PI4K2B: variants seen among roughly 807,000 people sequenced by gnomAD.
PI4K2B encodes the protein phosphatidylinositol 4-kinase type 2-beta.
In PI4K2B, 46 loss-of-function variants were observed where a neutral mutation model predicts 56.6. The ratio of observed to expected loss-of-function variants is 0.81; its 90% CI spans 0.64 to 1.04. The LOEUF (loss-of-function observed/expected upper bound fraction) is 1.04. Among genes scored for constraint, PI4K2B ranks in the 50% least tolerant of loss-of-function variants. PI4K2B has a pLI of 0.00. For synonymous variants in PI4K2B, 211 were observed against 223.8 expected (o/e 0.94, Z 0.51); for missense variants, 556 against 607.7 (o/e 0.91, Z 0.89).
Position 25,256,613 on chromosome 4 carries a change from A to T in PI4K2B, c.695A>T (p.Tyr232Phe), listed in dbSNP as rs1187355970. The change falls in exon 4 of 10, where the codon TAT becomes TTT. Residue 232 changes from tyrosine (Y) to phenylalanine (F), a missense_variant. By Grantham distance (22) the Tyr-to-Phe change is conservative. Coordinates refer to ENST00000264864, the MANE Select transcript of PI4K2B (RefSeq NM_018323.4). ...CGTGCAAAATCAAGAGGCAAAAAGTATGCTTTAGAAAAAGTGCCAAAAGTG... is the reference window on the plus strand; with the variant it reads ...CGTGCAAAATCAAGAGGCAAAAAGTTTGCTTTAGAAAAAGTGCCAAAAGTG... ...IDRAKSRGKK[Y>F]ALEKVPKVGR... 5 of 1,613,866 alleles carry T rather than the reference A, an allele frequency of 3.1e-6. No homozygotes were observed. The highest frequency in any genetic ancestry group is 4.2e-6 in the Non-Finnish European group (5 of 1,179,920).
At chr4:25,269,334 T>G (rs1261496837) in intron 9 of PI4K2B, 131 bp downstream of exon 9, 1 of 594,008 alleles carries the variant, frequency 1.7e-6, no homozygotes, top group Non-Finnish European at 3.0e-6. Flanking sequence ...TAGCCCAGAT[T>G]ATTAGAAATG....
chr4:25,266,539 G>T (rs1185952590), intron 7 of PI4K2B, among the ~76,000 whole-genome samples: 1 of 151,604 alleles, frequency 6.6e-6, no homozygotes, highest in African/African-American at 2.4e-5. Flanking sequence ...TTTTTTGCTT[G>T]TCCTGTCTTT....
intron 1 of PI4K2B, among the ~76,000 whole-genome samples, chr4:25,248,965 C>G (rs141515932): frequency 6.6e-6 from 1 of 151,878 alleles, no homozygotes; most frequent in Non-Finnish European, 1.5e-5. Context: ...TGCCGCCTTC[C>G]GCAGTGTTTG....
At chr4:25,238,627 G>A (rs35236315) in intron 1 of PI4K2B, among the ~76,000 whole-genome samples, 6,431 of 152,086 alleles carry the variant, frequency 0.042, 192 homozygotes, top group East Asian at 0.15. Flanking sequence ...CGACCTTCAC[G>A]GTGAGAGTTA....
intron 1 of PI4K2B, among the ~76,000 whole-genome samples, chr4:25,241,716 C>A (rs1456349731): frequency 1.3e-5 from 2 of 152,178 alleles, no homozygotes; most frequent in African/African-American, 4.8e-5. Context: ...AACAGTGAGG[C>A]CAGCCTTTTG....
chr4:25,259,174 C>T lies in PI4K2B; in HGVS notation c.894C>T (p.Tyr298=), dbSNP rs1171805439. 6.4e-6 allele frequency: 10 copies of T among 1,564,600 alleles called. No homozygotes were observed. The East Asian group carries it at 9.0e-5, about 14-fold the overall frequency. The stretch of plus-strand genomic sequence containing the variant: ...TTGAAAGATTAGTTATTTTGGATTA[C>T]ATCATCAGAAATACAGGTATTGAAG... ...SQFERLVILD[Y]IIRNTDRGND... The change falls in exon 5 of 10, where the codon TAC becomes TAT. Residue 298 remains tyrosine, a synonymous_variant. Coordinates refer to ENST00000264864, the MANE Select transcript of PI4K2B (RefSeq NM_018323.4).
intron 1 of PI4K2B, among the ~76,000 whole-genome samples, chr4:25,238,975 G>T (rs1302546062): frequency 6.6e-6 from 1 of 152,120 alleles, no homozygotes; most frequent in East Asian, 1.9e-4. Context: ...TTTTGACAGG[G>T]TGCTGATTGG....
At chr4:25,260,477 G>A (rs773114847) in intron 5 of PI4K2B, 47 bp from the exon 6 acceptor site, 1 of 765,480 alleles carries the variant, frequency 1.3e-6, no homozygotes, top group Non-Finnish European at 2.1e-6. Context: ...ATTAAGCCAT[G>A]ATGTCCATAG....
intron 9 of PI4K2B, among the ~76,000 whole-genome samples, chr4:25,269,788 A>G (rs1163039485): frequency 4.0e-5 from 6 of 151,336 alleles, no homozygotes; most frequent in Admixed American, 2.0e-4. Flanking sequence ...ATCTCGGCTC[A>G]CTGCAAGCTC....
rs576148931 is a variant in PI4K2B at position 25,259,346 on chromosome 4, C to G, written c.910+156C>G. The stretch of plus-strand genomic sequence containing the variant: ...CAGATGTAGTATTGACTCTCCTGGG[C>G]AGAATTCATCCTGTGTGGGATAGAT... On this transcript the variant is annotated intron_variant, in intron 5 of 9. Transcript: ENST00000264864. 2.0e-5 allele frequency among the ~76,000 whole-genome samples: 3 copies of G among 152,256 alleles called. No homozygotes were observed. The East Asian group carries it at 5.8e-4, about 29-fold the overall frequency.
intron 1 of PI4K2B, among the ~76,000 whole-genome samples, chr4:25,244,733 G>C (rs905136575): frequency 6.6e-6 from 1 of 152,052 alleles, no homozygotes; most frequent in African/African-American, 2.4e-5. Flanking sequence ...CCAAGAACCC[G>C]CAACGGTCCC....
intron 1 of PI4K2B, among the ~76,000 whole-genome samples, chr4:25,235,877 G>A (rs1486467822): frequency 6.6e-6 from 1 of 152,062 alleles, no homozygotes; most frequent in African/African-American, 2.4e-5. Flanking sequence ...AGAGGTCAAC[G>A]AGATGGCAGG....
At position 25,234,407 on chromosome 4, in the gene PI4K2B, G is replaced by A; in HGVS notation, c.244G>A (p.Asp82Asn). 2 of 1,379,084 alleles carry A rather than the reference G, an allele frequency of 1.5e-6. No individual in the cohort carries two copies. The highest frequency in any genetic ancestry group is 1.9e-6 in the Non-Finnish European group (2 of 1,065,050). The allele number at this position is 1,379,084 out of a possible 1,614,324, so 85.4% of individuals were successfully genotyped here. A position where few individuals can be genotyped will look rare whatever the true frequency, so the allele number is the denominator to read the frequency against. Residue 82 changes from aspartate (D) to asparagine (N), a missense_variant, in exon 1 of 10, where the codon GAC (aspartate) becomes AAC (asparagine). Coordinates refer to ENST00000264864, the MANE Select transcript of PI4K2B (RefSeq NM_018323.4). ...GVSRSSSAEL[D>N]RSRPAVSVTI... ...CTCCCGGAGTTCGTCCGCCGAGCTGGACCGGAGCCGCCCCGCGGTTTCAGG... is the reference window on the plus strand; with the variant it reads ...CTCCCGGAGTTCGTCCGCCGAGCTGAACCGGAGCCGCCCCGCGGTTTCAGG...
At chr4:25,274,829 T>A (rs1717040522) in intron 9 of PI4K2B, among the ~76,000 whole-genome samples, 1 of 152,182 alleles carries the variant, frequency 6.6e-6, no homozygotes, top group Admixed American at 6.5e-5. Flanking sequence ...AGAGTCTCCC[T>A]CTGTCACCCA....
intron 1 of PI4K2B, among the ~76,000 whole-genome samples, chr4:25,240,471 T>A (rs1313474655): frequency 6.6e-6 from 1 of 152,166 alleles, no homozygotes; most frequent in East Asian, 1.9e-4. Flanking sequence ...CAGTAGCCAT[T>A]CCTAACCCTA....
intron 5 of PI4K2B, among the ~76,000 whole-genome samples, chr4:25,259,490 T>TTA (rs1716376483): frequency 6.6e-6 from 1 of 152,170 alleles, no homozygotes; most frequent in Non-Finnish European, 1.5e-5. Flanking sequence ...TAAGGCTTCA[T>TTA]TGTATAAATT....
chr4:25,266,648 A>T (rs1383650433), intron 7 of PI4K2B, among the ~76,000 whole-genome samples: 2 of 152,260 alleles, frequency 1.3e-5, no homozygotes, highest in Admixed American at 1.3e-4. Flanking sequence ...TTTAAAGGGT[A>T]CATCTAGGAA....
chr4:25,252,948 T>C (rs1716123260), intron 2 of PI4K2B, among the ~76,000 whole-genome samples: 1 of 152,208 alleles, frequency 6.6e-6, no homozygotes, highest in Admixed American at 6.5e-5. Flanking sequence ...CTCTAGTGCT[T>C]AGAAACAGAG....
chr4:25,277,116 C>A lies in PI4K2B; in HGVS notation c.1375C>A (p.Arg459=), dbSNP rs116488560. ...ACGCAGTCAAGGTGGAAGTCAGGGT[C>A]GGATTGTCCACCTGAGCAATTCCTT... is the stretch of plus-strand genomic sequence containing the variant. ...VERSQGGSQG[R]IVHLSNSFTQ... is the part of the protein sequence containing the mutation. The change falls in exon 10 of 10, where the codon CGG becomes AGG. Residue 459 remains arginine, a synonymous_variant. Coordinates refer to ENST00000264864, the MANE Select transcript of PI4K2B (RefSeq NM_018323.4). 6.2e-7 allele frequency: 1 copy of A among 1,613,888 alleles called. No homozygotes were observed. The highest frequency in any genetic ancestry group is 1.7e-5 in the Admixed American group (1 of 60,004).
Sources: gnomAD v4.1 joint callset for allele counts (sites outside exome capture counted in the v4.1 genomes callset) on GRCh38, gnomAD v4.1.1 for gene constraint, MANE v1.5 for transcripts, NCBI Gene and HGNC (gene_info 2026-07-23, HGNC 2026-07-21) for gene names.